COL23A1: variants seen among roughly 807,000 people sequenced by gnomAD.
The protein encoded by COL23A1 is collagen alpha-1(XXIII) chain.
In COL23A1, 97 loss-of-function variants were observed where a neutral mutation model predicts 99.3. That is an observed-to-expected ratio of 0.98 (90% CI 0.83 to 1.16). The LOEUF is 1.16. Ranked by LOEUF, COL23A1 falls within the 50% of genes most tolerant of loss-of-function variation. The pLI, the probability that COL23A1 is intolerant of heterozygous loss-of-function variation, is 0.00. For missense variants in COL23A1, 762 were observed against 757.4 expected (o/e 1.01, Z -0.07); for synonymous variants, 320 against 308.2 (o/e 1.04, Z -0.40).
intron 26 of COL23A1, 62 bp downstream of exon 26, chr5:178,242,279 C>T: frequency 6.4e-7 from 1 of 1,568,572 alleles, no homozygotes; most frequent in Non-Finnish European, 8.7e-7. Flanking sequence ...ACCTGAGCCT[C>T]CACTCCCACC....
At chr5:178,363,933 C>T (rs1762313855) in intron 2 of COL23A1, among the ~76,000 whole-genome samples, 2 of 152,208 alleles carry the variant, frequency 1.3e-5, no homozygotes, top group South Asian at 4.1e-4. Context: ...ACGTGGTCAG[C>T]ACCTGCTATG....
intron 2 of COL23A1, among the ~76,000 whole-genome samples, chr5:178,499,349 G>A (rs1442280304): frequency 6.6e-6 from 1 of 152,122 alleles, no homozygotes; most frequent in African/African-American, 2.4e-5. Flanking sequence ...TCAGACACAC[G>A]TTGCCCCACC....
At position 178,404,182 on chromosome 5, in the gene COL23A1, C is replaced by T. The variant is rs540777860; in HGVS notation, c.362-97263G>A. Among the ~76,000 whole-genome samples, 8 of 152,330 alleles carry T rather than the reference C, an allele frequency of 5.3e-5. No individual in the cohort carries two copies. The East Asian group carries it at 5.8e-4, about 11-fold the overall frequency. On this transcript the variant is annotated intron_variant, in intron 2 of 28. Transcript: ENST00000390654. ...TGCAGGCAGCATCTGCCTCCAGTTC[C>T]GGCGTTCTCTCTTCAGATCCCCTTG...
In COL23A1 at chr5:178,384,589, C is replaced by A. The variant is rs917421731; in HGVS notation, c.362-77670G>T. ...CCTCCCTGCTCCTGCGCTGATTCTG[C>A]TCCTGCCTCAGAGATCACGGTTTGA... On this transcript the variant is annotated intron_variant, in intron 2 of 28. Transcript: ENST00000390654. This position sits in a 1 kb window ranked among gnomAD's most constrained non-coding sequence, Gnocchi z 5.5. Among the ~76,000 whole-genome samples the A allele has an allele frequency of 6.6e-6, 1 of 152,192 alleles. No homozygotes were observed. Among genetic ancestry groups the A allele is most frequent in the Admixed American group, 6.5e-5 (1 of 15,282 alleles).
rs538925151 is a variant in COL23A1 at position 178,280,289 on chromosome 5, C to T, written c.441+8035G>A. 6.6e-6 allele frequency among the ~76,000 whole-genome samples: 1 copy of T among 152,354 alleles called. No homozygotes were observed. Among genetic ancestry groups the T allele is most frequent in the South Asian group, 2.1e-4 (1 of 4,830 alleles). Reference sequence around the variant, plus strand: ...AAAGGGGCGCCTTCAGCCTCACAGGCTTCCCTGGCTGGCATTGGTAATGGA... The same window carrying T: ...AAAGGGGCGCCTTCAGCCTCACAGGTTTCCCTGGCTGGCATTGGTAATGGA... On this transcript the variant is annotated intron_variant, in intron 5 of 28. Transcript: ENST00000390654. This position sits in a 1 kb window ranked among gnomAD's most constrained non-coding sequence, Gnocchi z 4.9.
At chr5:178,407,935 C>T (rs1764849278) in intron 2 of COL23A1, among the ~76,000 whole-genome samples, 1 of 152,088 alleles carries the variant, frequency 6.6e-6, no homozygotes, top group South Asian at 2.1e-4. Context: ...TAAATAATGG[C>T]TGGGGAATTT....
At chr5:178,513,143 C>T (rs531397794) in intron 2 of COL23A1, among the ~76,000 whole-genome samples, 1 of 149,276 alleles carries the variant, frequency 6.7e-6, no homozygotes, top group Non-Finnish European at 1.5e-5. Context: ...TTCCAGAGGG[C>T]GCAGACCTGG....
rs534218711 is a variant in COL23A1, at chr5:178,533,331, T to C, written c.361+27351A>G. On this transcript the variant is annotated intron_variant, in intron 2 of 28. Coordinates refer to ENST00000390654, the MANE Select transcript of COL23A1 (RefSeq NM_173465.4). The stretch of plus-strand genomic sequence containing the variant: ...CGTTTTCATCATCCACACGGAAACT[T>C]TGTGCCCATGGAATAACTCCCTCAG... Among the ~76,000 whole-genome samples, 3 of 152,284 alleles carry C rather than the reference T, an allele frequency of 2.0e-5. No homozygotes were observed. In the South Asian group the frequency reaches 6.2e-4, roughly 32 times the overall value.
At chr5:178,539,216 G>GTA (rs1761145418) in intron 2 of COL23A1, among the ~76,000 whole-genome samples, 1 of 152,142 alleles carries the variant, frequency 6.6e-6, no homozygotes, top group Non-Finnish European at 1.5e-5. Flanking sequence ...CAGATGAACC[G>GTA]TACGGTGTCT....
At chr5:178,455,103 G>C (rs958682659) in intron 2 of COL23A1, among the ~76,000 whole-genome samples, 4 of 152,232 alleles carry the variant, frequency 2.6e-5, no homozygotes, top group Non-Finnish European at 5.9e-5. Context: ...CCTCCAGTCT[G>C]ACTTCATTTA....
Position 178,589,958 on chromosome 5 carries a change from C to T in COL23A1, c.240G>A (p.Pro80=). 7.5e-7 allele frequency: 1 copy of T among 1,327,734 alleles called. No homozygotes were observed. Among genetic ancestry groups the T allele is most frequent in the Non-Finnish European group, 9.6e-7 (1 of 1,046,172 alleles). The allele number at this position is 1,327,734 out of a possible 1,614,324, so 82.2% of individuals were successfully genotyped here. The change falls in exon 1 of 29, where the codon CCG becomes CCA. Residue 80 remains proline, a synonymous_variant. Coordinates refer to ENST00000390654, the MANE Select transcript of COL23A1 (RefSeq NM_173465.4). This position sits in a 1 kb window ranked among gnomAD's most constrained non-coding sequence, Gnocchi z 5.4. ...CGGCCCAGGCGTCCAGGGCGCCTGG[C>T]GGCCCCGCGCGCCGCAGCAGCTCCC... The part of the protein sequence containing the change: ...EERELLRRAG[P]PGALDAWAEP...
intron 2 of COL23A1, among the ~76,000 whole-genome samples, chr5:178,470,953 T>C (rs1756713532): frequency 6.6e-6 from 1 of 152,208 alleles, no homozygotes; most frequent in Non-Finnish European, 1.5e-5. Context: ...ATAGACTTAC[T>C]GTGAAGATCC....
intron 1 of COL23A1, among the ~76,000 whole-genome samples, chr5:178,576,485 G>A (rs1280003283): frequency 6.6e-6 from 1 of 152,138 alleles, no homozygotes; most frequent in East Asian, 1.9e-4. Context: ...CACCCGCCTC[G>A]GCCTCCCAAA....
At chr5:178,278,521 C>T (rs765426462) in intron 5 of COL23A1, among the ~76,000 whole-genome samples, 1 of 152,232 alleles carries the variant, frequency 6.6e-6, no homozygotes, top group African/African-American at 2.4e-5. Context: ...CAGGCCCTGC[C>T]GTTTTCTCTG....
intron 1 of COL23A1, among the ~76,000 whole-genome samples, chr5:178,572,359 TGAA>T (rs1325016113): frequency 2.0e-5 from 3 of 152,026 alleles, no homozygotes; most frequent in South Asian, 2.1e-4. Context: ...AAAAAAATTT[TGAA>T]GAATAGTCAA....
intron 2 of COL23A1, among the ~76,000 whole-genome samples, chr5:178,488,411 C>A (rs1156742461): frequency 6.6e-6 from 1 of 152,104 alleles, no homozygotes; most frequent in Non-Finnish European, 1.5e-5. Context: ...TCTAAATTTG[C>A]GTGTGACCTC....
At chr5:178,521,738 G>T (rs1159387343) in intron 2 of COL23A1, among the ~76,000 whole-genome samples, 1 of 152,174 alleles carries the variant, frequency 6.6e-6, no homozygotes, top group African/African-American at 2.4e-5. Context: ...TATGCTAAGT[G>T]AAAGTCAGAA....
intron 2 of COL23A1, among the ~76,000 whole-genome samples, chr5:178,332,263 G>A (rs544381380): frequency 6.2e-4 from 94 of 152,176 alleles, no homozygotes; most frequent in Non-Finnish European, 1.0e-3. Context: ...AGCACTCACT[G>A]CACATTTCCC....
At chr5:178,585,138 A>AATTTTG (rs752111232) in intron 1 of COL23A1, among the ~76,000 whole-genome samples, 4 of 152,172 alleles carry the variant, frequency 2.6e-5, no homozygotes, top group Non-Finnish European at 4.4e-5. Flanking sequence ...TGGTTGAAGA[A>AATTTTG]TGTTCCCAAA....
Sources: gnomAD v4.1 joint callset for allele counts (sites outside exome capture counted in the v4.1 genomes callset) on GRCh38, gnomAD v4.1.1 for gene constraint, Gnocchi (gnomAD v3.1) non-coding constraint, MANE v1.5 for transcripts, NCBI Gene and HGNC (gene_info 2026-07-23, HGNC 2026-07-21) for gene names.